HERC6: variants seen among roughly 807,000 people sequenced by gnomAD.
The protein encoded by HERC6 is probable E3 ubiquitin-protein ligase HERC6.
Under a neutral mutation model 114.5 loss-of-function variants are expected in HERC6, and 101 were observed. The observed-to-expected ratio is 0.88, with a 90% confidence interval of 0.75 to 1.04. The LOEUF (loss-of-function observed/expected upper bound fraction) is 1.04, where lower values mean the gene tolerates loss of function less well. Ranked by LOEUF, HERC6 falls within the 50% of genes least tolerant of loss-of-function variation. The pLI is 0.00. For missense variants in HERC6, 1,133 were observed against 1,230.9 expected, an observed-to-expected ratio of 0.92 and a Z score of 1.19; for synonymous variants, 408 against 436.2, an observed-to-expected ratio of 0.94 and a Z score of 0.81.
intron 11 of HERC6, among the ~76,000 whole-genome samples, chr4:88,412,143 A>G (rs748102971): frequency 6.6e-6 from 1 of 152,212 alleles, no homozygotes; most frequent in Non-Finnish European, 1.5e-5. Flanking sequence ...AAGGTAAAAC[A>G]CAAATAAAGC....
At position 88,439,912 on chromosome 4, in the gene HERC6, A is replaced by T; in HGVS notation, c.2594A>T (p.Asn865Ile). 1 of 1,587,556 alleles carries T rather than the reference A, an allele frequency of 6.3e-7. No individual in the cohort carries two copies. Among genetic ancestry groups the T allele is most frequent in the Non-Finnish European group, 8.6e-7 (1 of 1,168,428 alleles). Residue 865 changes from asparagine to isoleucine, a missense_variant, in exon 21 of 23, where the codon AAC (asparagine) becomes ATC (isoleucine). Physicochemically the swap from Asn to Ile is moderately radical, Grantham distance 149. Around this residue, in one of 3 missense-constraint regions of HERC6, gnomAD observed 388 missense variants for 445.9 expected, o/e 0.87. Coordinates refer to ENST00000264346, the MANE Select transcript of HERC6 (RefSeq NM_017912.4). ...YVSKYIDYIF[N>I]VSVKAVYEEF... is the part of the protein sequence containing the mutation. Reference sequence around the variant, plus strand: ...TCTAAGTATATTGATTACATTTTCAACGTCTCTGTAAAAGCAGTTTATGAG... The same window carrying T: ...TCTAAGTATATTGATTACATTTTCATCGTCTCTGTAAAAGCAGTTTATGAG...
At chr4:88,405,519 A>T in intron 9 of HERC6, 35 bp from the exon 10 acceptor site, 1 of 1,215,864 alleles carries the variant, frequency 8.2e-7, no homozygotes, top group South Asian at 1.5e-5. Context: ...GCTTTATTAT[A>T]TGTTGTGACT....
At chr4:88,388,438 C>A (rs567270941) in intron 3 of HERC6, among the ~76,000 whole-genome samples, 8 of 151,520 alleles carry the variant, frequency 5.3e-5, no homozygotes, top group Non-Finnish European at 8.8e-5. Flanking sequence ...GCAATCCTAG[C>A]TACTTGGGAG....
At chr4:88,396,820 T>A (rs774264725) in intron 6 of HERC6, 31 bp from the exon 7 acceptor site, 77 of 1,480,714 alleles carry the variant, frequency 5.2e-5, no homozygotes, top group Non-Finnish European at 6.6e-5. Context: ...AGTGCCTTAG[T>A]CTTCATTATG....
intron 19 of HERC6, 88 bp downstream of exon 19, chr4:88,437,059 C>A: frequency 9.9e-7 from 1 of 1,011,704 alleles, no homozygotes; most frequent in South Asian, 1.7e-5. Flanking sequence ...ATTTGGGATC[C>A]CTTTTTTTTT....
At position 88,408,577 on chromosome 4, in the gene HERC6, C is replaced by A; in HGVS notation, c.1328C>A (p.Thr443Asn). ...IDVDLEMARDTFKKLTKKEWI... is the reference protein window; with the variant it reads ...IDVDLEMARDNFKKLTKKEWI... ...GTGGACTTAGAAATGGCAAGAGATA[C>A]CTTCAAGAAGTTAACAAAAAAGGAA... The change falls in exon 11 of 23, where the codon ACC becomes AAC. Residue 443 changes from threonine (T) to asparagine (N), a missense_variant. Thr to Asn is a moderately conservative substitution (Grantham distance 65, BLOSUM62 0). Transcript: ENST00000264346. 2 of 1,596,702 alleles carry A rather than the reference C, an allele frequency of 1.3e-6. No individual in the cohort carries two copies. Among genetic ancestry groups the A allele is most frequent in the Non-Finnish European group, 1.7e-6 (2 of 1,170,996 alleles).
rs866921213 is a variant in HERC6 at position 88,407,133 on chromosome 4, T to A, written c.1275-1391T>A. Among the ~76,000 whole-genome samples, 12 of 152,302 alleles carry A rather than the reference T, an allele frequency of 7.9e-5. No individual in the cohort carries two copies. The South Asian group carries it at 1.2e-3, about 16-fold the overall frequency. On this transcript the variant is annotated intron_variant, in intron 10 of 22. Transcript: ENST00000264346. ...CACTCTGTCACCCAGGCTTGAGCGCTGTGGCGTGATCTCTGCTCACTGCAG... is the reference window on the plus strand; with the variant it reads ...CACTCTGTCACCCAGGCTTGAGCGCAGTGGCGTGATCTCTGCTCACTGCAG...
In HERC6 at chr4:88,437,897, G is replaced by C. The variant is rs553480507; in HGVS notation, c.2555+116G>C. 2.1e-5 allele frequency: 16 copies of C among 767,278 alleles called. No homozygotes were observed. In the East Asian group the frequency reaches 3.9e-4, roughly 19 times the overall value. The allele number at this position is 767,278 out of a possible 1,614,324, so 47.5% of individuals were successfully genotyped here. A position where few individuals can be genotyped will look rare whatever the true frequency, so the allele number is the denominator to read the frequency against. On this transcript the variant is annotated intron_variant, in intron 20 of 22. Coordinates refer to ENST00000264346, the MANE Select transcript of HERC6 (RefSeq NM_017912.4). ...TTCACACCTGTAATCCCAGCAATTT[G>C]GGAGGCTGAGGTGGGTGGATCACTT...
Position 88,423,917 on chromosome 4 carries a change from A to G in HERC6, c.1771A>G (p.Asn591Asp), listed in dbSNP as rs1737324715. 3 of 1,577,114 alleles carry G rather than the reference A, an allele frequency of 1.9e-6. No individual in the cohort carries two copies. Reference protein sequence around the residue: ...ENTFNINELSNLLNFYIDRGR... With the variant: ...ENTFNINELSDLLNFYIDRGR... ...TACTTTCAACATAAATGAACTCTCC[A>G]ACTTATTAAACTTTTATATAGATAG... The change falls in exon 14 of 23, where the codon AAC (asparagine) becomes GAC (aspartate). Residue 591 changes from asparagine (N) to aspartate (D), a missense_variant. Around this residue, in one of 3 missense-constraint regions of HERC6, gnomAD observed 735 missense variants for 754.0 expected, o/e 0.97. Transcript: ENST00000264346.
chr4:88,398,520 T>G, intron 8 of HERC6: 1 of 199,940 alleles, frequency 5.0e-6, no homozygotes, highest in Non-Finnish European at 1.0e-5. Context: ...GCTGTTTCCA[T>G]CTTCAGGAGG....
At chr4:88,398,405 C>T (rs1735361584) in intron 8 of HERC6, 196 bp downstream of exon 8, 1 of 412,358 alleles carries the variant, frequency 2.4e-6, no homozygotes. Flanking sequence ...AGATTAGACC[C>T]CCCCACCACC....
intron 18 of HERC6, among the ~76,000 whole-genome samples, chr4:88,436,687 A>G (rs532711345): frequency 3.5e-4 from 53 of 152,336 alleles, no homozygotes; most frequent in African/African-American, 1.3e-3. Flanking sequence ...TGTAATTTCC[A>G]TGAAGATGTA....
intron 18 of HERC6, 65 bp downstream of exon 18, chr4:88,435,956 A>G: frequency 4.1e-6 from 5 of 1,214,434 alleles, no homozygotes; most frequent in Non-Finnish European, 5.6e-6. Flanking sequence ...GGCATAAATA[A>G]TCTTACACAC....
intron 19 of HERC6, 85 bp downstream of exon 19, chr4:88,437,056 A>G: frequency 1.0e-6 from 1 of 992,906 alleles, no homozygotes; most frequent in Non-Finnish European, 1.5e-6. Context: ...TAAATTTGGG[A>G]TCCCTTTTTT....
chr4:88,379,562 C>T (rs1264744389), intron 1 of HERC6, among the ~76,000 whole-genome samples: 5 of 148,230 alleles, frequency 3.4e-5, no homozygotes, highest in African/African-American at 2.5e-5. Context: ...CCTGACCTTA[C>T]AAACGTGGTT....
intron 5 of HERC6, among the ~76,000 whole-genome samples, chr4:88,394,246 G>A (rs1008297877): frequency 3.9e-5 from 6 of 151,940 alleles, no homozygotes; most frequent in East Asian, 1.9e-4. Flanking sequence ...AGGCCAAGGC[G>A]GGCAGATCAC....
chr4:88,413,332 C>A, intron 12 of HERC6, 66 bp downstream of exon 12: 2 of 1,190,390 alleles, frequency 1.7e-6, no homozygotes, highest in Non-Finnish European at 2.4e-6. Context: ...GACGTTGTAG[C>A]AAATTTTGAA....
rs138782140 is a variant in HERC6, at chr4:88,433,549, G to A, written c.2251-2176G>A. ...AGTGGAACTGGTGGCTTTGTAAGAA[G>A]GGGAAGAGAAACCTGAGCTAGGACA... On this transcript the variant is annotated intron_variant, in intron 17 of 22. Transcript: ENST00000264346. Among the ~76,000 whole-genome samples, 504 of 152,228 alleles carry A rather than the reference G, an allele frequency of 3.3e-3. 4 individuals are homozygous for A. Among genetic ancestry groups the A allele is most frequent in the African/African-American group, 0.011 (470 of 41,542 alleles).
chr4:88,386,309 G>T (rs956120100), intron 3 of HERC6, among the ~76,000 whole-genome samples: 2 of 151,300 alleles, frequency 1.3e-5, no homozygotes, highest in Admixed American at 1.3e-4. Context: ...GGGTTCAGGC[G>T]ATTCTCCTGC....
Sources: allele counts gnomAD v4.1 joint callset (sites outside exome capture counted in the v4.1 genomes callset), GRCh38; gene constraint gnomAD v4.1.1; regional missense constraint gnomAD v4.1.1; transcripts MANE v1.5; gene names NCBI Gene and HGNC (gene_info 2026-07-23, HGNC 2026-07-21).